ATP13A4: variants seen among roughly 807,000 people sequenced by gnomAD.
ATP13A4 encodes the protein probable cation-transporting ATPase 13A4.
A neutral mutation model predicts 142.5 loss-of-function variants in ATP13A4; 114 were observed. The observed-to-expected ratio is 0.80, with a 90% confidence interval of 0.69 to 0.93. The LOEUF is 0.93. Among genes scored for constraint, ATP13A4 ranks in the 40% least tolerant of loss-of-function variants. The probability of loss-of-function intolerance (pLI) is 0.00; values close to 1 mark genes in which losing one functional copy is unlikely to be tolerated. For synonymous variants in ATP13A4, 488 were observed against 514.8 expected, an observed-to-expected ratio of 0.95 and a Z score of 0.70; for missense variants, 1,392 against 1,454.0, an observed-to-expected ratio of 0.96 and a Z score of 0.69.
chr3:193,580,939 G>C (rs548444888), intron 2 of ATP13A4, among the ~76,000 whole-genome samples: 9 of 152,196 alleles, frequency 5.9e-5, no homozygotes, highest in African/African-American at 2.2e-4. Flanking sequence ...TTAACAACTG[G>C]CTCTTCCAAA....
chr3:193,572,764 G>A (rs760628568), intron 2 of ATP13A4, among the ~76,000 whole-genome samples: 15 of 152,082 alleles, frequency 9.9e-5, no homozygotes, highest in South Asian at 2.1e-4. Flanking sequence ...GTACATGCAC[G>A]TGATGGAACC....
intron 1 of ATP13A4, among the ~76,000 whole-genome samples, chr3:193,532,458 G>A (rs529585563): frequency 6.7e-6 from 1 of 149,496 alleles, no homozygotes; most frequent in African/African-American, 2.5e-5. Context: ...AACTTTGATT[G>A]ATTTTGAATA....
At chr3:193,430,997 T>G (rs1374164360) in intron 25 of ATP13A4, among the ~76,000 whole-genome samples, 1 of 152,030 alleles carries the variant, frequency 6.6e-6, no homozygotes. Context: ...TGATGGCGGC[T>G]ACATTGAAAA....
intron 29 of ATP13A4, among the ~76,000 whole-genome samples, chr3:193,404,937 T>A (rs1714419658): frequency 6.6e-6 from 1 of 152,082 alleles, no homozygotes; most frequent in Admixed American, 6.6e-5. Context: ...TATAAACACA[T>A]CAATAATTGT....
chr3:193,435,624 A>C (rs1716223569), intron 24 of ATP13A4, 24 bp downstream of exon 24: 1 of 1,584,256 alleles, frequency 6.3e-7, no homozygotes, highest in Non-Finnish European at 8.7e-7. Context: ...CACACTAACC[A>C]AGAGGCTAAG....
chr3:193,433,797 G>T, intron 25 of ATP13A4, 48 bp downstream of exon 25: 2 of 1,377,130 alleles, frequency 1.5e-6, no homozygotes, highest in Non-Finnish European at 2.1e-6. Context: ...GCAGAGGGAG[G>T]GCAGCTGAGG....
At chr3:193,509,398 C>T (rs1293741233) in intron 2 of ATP13A4, among the ~76,000 whole-genome samples, 4 of 152,160 alleles carry the variant, frequency 2.6e-5, no homozygotes, top group Admixed American at 6.5e-5. Context: ...TACACACTTG[C>T]CCATGAGCCA....
In ATP13A4 at chr3:193,422,249, C is replaced by G. The variant is rs544654652; in HGVS notation, c.2843-7499G>C. Among the ~76,000 whole-genome samples the G allele has an allele frequency of 2.0e-5, 3 of 149,718 alleles. No homozygotes were observed. The South Asian group carries it at 6.3e-4, about 31-fold the overall frequency. ...TATATAAAGCAAATGTTAATGAACA[C>G]AAAAGGAGAAATAGCAAGACAATAA... On this transcript the variant is annotated intron_variant, in intron 25 of 29. Transcript: ENST00000342695.
chr3:193,545,041 T>C (rs1279678761), intron 1 of ATP13A4, among the ~76,000 whole-genome samples: 2 of 152,146 alleles, frequency 1.3e-5, no homozygotes, highest in Admixed American at 6.5e-5. Context: ...ATTCATCTCA[T>C]CAGAAATATA....
chr3:193,431,100 A>G (rs1161179593), intron 25 of ATP13A4, among the ~76,000 whole-genome samples: 2 of 152,058 alleles, frequency 1.3e-5, no homozygotes, highest in Non-Finnish European at 2.9e-5. Flanking sequence ...AGAAAAATAA[A>G]GGATGACTCT....
At chr3:193,465,195 T>C in intron 11 of ATP13A4, 67 bp from the exon 12 acceptor site, 1 of 1,112,316 alleles carries the variant, frequency 9.0e-7, no homozygotes, top group Non-Finnish European at 1.2e-6. Context: ...ACTCTTTGCC[T>C]TTTTTTTTTG....
chr3:193,453,855 GA>G (rs1461333531), intron 17 of ATP13A4, among the ~76,000 whole-genome samples: 3 of 152,016 alleles, frequency 2.0e-5, no homozygotes, highest in Non-Finnish European at 4.4e-5. Context: ...CATCTTATAT[GA>G]CTATTTCTCA....
chr3:193,552,223 C>T (rs754403607), intron 1 of ATP13A4, among the ~76,000 whole-genome samples: 43 of 152,316 alleles, frequency 2.8e-4, no homozygotes, highest in Admixed American at 3.3e-4. Flanking sequence ...CCGCCCGCCT[C>T]GGCCTCCCAA....
chr3:193,407,731 AAAATCACT>A (rs1364043346), intron 28 of ATP13A4, among the ~76,000 whole-genome samples: 3 of 152,178 alleles, frequency 2.0e-5, no homozygotes, highest in African/African-American at 7.2e-5. Context: ...AAAGAAGAGG[AAAATCACT>A]CTTTGTTTGC....
intron 14 of ATP13A4, among the ~76,000 whole-genome samples, chr3:193,457,751 T>C (rs953292866): frequency 6.6e-6 from 1 of 152,244 alleles, no homozygotes; most frequent in Non-Finnish European, 1.5e-5. Flanking sequence ...CTGAAGAGCC[T>C]AGCTTGAAAG....
chr3:193,419,771 G>A (rs1715315607), intron 25 of ATP13A4, among the ~76,000 whole-genome samples: 1 of 150,150 alleles, frequency 6.7e-6, no homozygotes, highest in Admixed American at 6.8e-5. Flanking sequence ...TGACTAGCTG[G>A]ACTAGAGTCT....
chr3:193,427,962 CT>C (rs1339892572), intron 25 of ATP13A4, among the ~76,000 whole-genome samples: 2 of 152,154 alleles, frequency 1.3e-5, no homozygotes, highest in Non-Finnish European at 2.9e-5. Flanking sequence ...AACAAAACAG[CT>C]TCTACACAGC....
chr3:193,405,113 G>A (rs1714429110), intron 29 of ATP13A4, among the ~76,000 whole-genome samples: 2 of 152,188 alleles, frequency 1.3e-5, no homozygotes, highest in African/African-American at 4.8e-5. Context: ...CAAAGTCAGA[G>A]AGCAAGAAAG....
chr3:193,467,552 C>T, intron 9 of ATP13A4, 66 bp from the exon 10 acceptor site: 1 of 1,503,782 alleles, frequency 6.6e-7, no homozygotes, highest in Non-Finnish European at 9.2e-7. Flanking sequence ...CATGCCTGCA[C>T]CCACTCATCA....
Sources: allele counts gnomAD v4.1 joint callset (sites outside exome capture counted in the v4.1 genomes callset), GRCh38; gene constraint gnomAD v4.1.1; transcripts MANE v1.5; gene names NCBI Gene and HGNC (gene_info 2026-07-23, HGNC 2026-07-21).